The following CTNNA3 variants were observed in gnomAD, a reference collection of about 807,000 sequenced individuals.
CTNNA3 encodes catenin alpha-3.
CTNNA3 carries 76 observed loss-of-function variants against 95.7 expected under a neutral mutation model. That is an observed-to-expected ratio of 0.79 (90% CI 0.66 to 0.96). The LOEUF is 0.96. CTNNA3 is among the 40% of genes least tolerant of loss of function. The pLI, the probability that CTNNA3 is intolerant of heterozygous loss-of-function variation, is 0.00. For missense variants in CTNNA3, 1,191 were observed against 1,089.8 expected, an observed-to-expected ratio of 1.09 and a Z score of -1.31; for synonymous variants, 431 against 374.4, an observed-to-expected ratio of 1.15 and a Z score of -1.74.
At position 66,379,266 on chromosome 10, in the gene CTNNA3, T is replaced by C. The variant is rs2092818181; in HGVS notation, c.1618A>G (p.Ile540Val). The change falls in exon 12 of 18, where the codon ATC becomes GTC. Residue 540 changes from isoleucine (I) to valine (V), a missense_variant. Transcript: ENST00000433211. Reference protein sequence around the residue: ...ADNLDRAAGAIRGRAARVAHI... With the variant: ...ADNLDRAAGAVRGRAARVAHI... ...GCAACTCTTGCTGCCCGGCCTCTGA[T>C]AGCACCCGCAGCACGGTCTAAATTA... is the stretch of plus-strand genomic sequence containing the variant. 31 of 1,614,140 alleles carry C rather than the reference T, an allele frequency of 1.9e-5. No individual in the cohort carries two copies. The highest frequency in any genetic ancestry group is 2.5e-5 in the Non-Finnish European group (30 of 1,179,968).
intron 12 of CTNNA3, among the ~76,000 whole-genome samples, chr10:66,313,326 G>A (rs1387738895): frequency 1.3e-5 from 2 of 152,162 alleles, no homozygotes; most frequent in Non-Finnish European, 2.9e-5. Context: ...CAGTGTTTGG[G>A]GGAGGATTAA....
intron 15 of CTNNA3, among the ~76,000 whole-genome samples, chr10:66,003,329 G>GGTGTGTGTGT (rs376512211): frequency 0.015 from 2,247 of 149,902 alleles, 64 homozygotes; most frequent in African/African-American, 0.052. Flanking sequence ...TGGTGGTGGT[G>GGTGTGTGTGT]GTGTGTGTGT....
chr10:67,074,439 C>A (rs1589700359), intron 7 of CTNNA3, among the ~76,000 whole-genome samples: 1 of 150,708 alleles, frequency 6.6e-6, no homozygotes, highest in Non-Finnish European at 1.5e-5. Flanking sequence ...CAAGCTCCAC[C>A]TCCCGGGTTC....
At chr10:67,712,438 G>A (rs1465217690) in intron 1 of CTNNA3, among the ~76,000 whole-genome samples, 1 of 152,242 alleles carries the variant, frequency 6.6e-6, no homozygotes, top group Non-Finnish European at 1.5e-5. Context: ...CAGGCCCAGA[G>A]GCCTAGGGGG....
intron 6 of CTNNA3, among the ~76,000 whole-genome samples, chr10:67,216,835 T>C (rs1451354679): frequency 6.6e-6 from 1 of 152,222 alleles, no homozygotes; most frequent in Non-Finnish European, 1.5e-5. Flanking sequence ...GCAATTTTTA[T>C]TGGTGAAGTT....
chr10:66,339,509 A>T (rs1214406593), intron 12 of CTNNA3, among the ~76,000 whole-genome samples: 1 of 151,802 alleles, frequency 6.6e-6, no homozygotes, highest in Non-Finnish European at 1.5e-5. Flanking sequence ...GAAATAAACA[A>T]TTATAAGCTA....
intron 5 of CTNNA3, among the ~76,000 whole-genome samples, chr10:67,273,697 A>G (rs1839071962): frequency 1.3e-5 from 2 of 152,230 alleles, no homozygotes; most frequent in African/African-American, 4.8e-5. Flanking sequence ...AGAGAAATGT[A>G]TAAACAATTG....
At chr10:67,215,342 T>C (rs894657157) in intron 6 of CTNNA3, among the ~76,000 whole-genome samples, 1 of 152,164 alleles carries the variant, frequency 6.6e-6, no homozygotes, top group Non-Finnish European at 1.5e-5. Flanking sequence ...TCTACAGTGT[T>C]TGCAGACCTG....
chr10:67,369,787 G>A (rs1196083000), intron 5 of CTNNA3, among the ~76,000 whole-genome samples: 1 of 152,074 alleles, frequency 6.6e-6, no homozygotes, highest in Non-Finnish European at 1.5e-5. Context: ...TATCAGCTTA[G>A]AAAAATAACC....
chr10:67,099,781 T>G (rs1317314509), intron 7 of CTNNA3: 1 of 152,076 alleles, frequency 6.6e-6, no homozygotes, highest in African/African-American at 2.4e-5. Context: ...TCTTCAAAAA[T>G]TTTTGTCATT....
At chr10:65,923,320 G>A (rs1394495568) in intron 17 of CTNNA3, among the ~76,000 whole-genome samples, 2 of 152,190 alleles carry the variant, frequency 1.3e-5, no homozygotes, top group Non-Finnish European at 2.9e-5. Context: ...CCTAATGGTA[G>A]TAGTTTTATG....
At chr10:66,784,810 G>GA (rs1464263167) in intron 7 of CTNNA3, among the ~76,000 whole-genome samples, 1 of 152,108 alleles carries the variant, frequency 6.6e-6, no homozygotes, top group Non-Finnish European at 1.5e-5. Context: ...TTTATATAAA[G>GA]AATCTGGAAT....
chr10:67,370,898 G>A (rs914680163), intron 5 of CTNNA3, among the ~76,000 whole-genome samples: 39 of 143,290 alleles, frequency 2.7e-4, no homozygotes, highest in African/African-American at 8.9e-4. Flanking sequence ...ACAGAGTCTC[G>A]CTCTGTCGCC....
chr10:67,171,179 C>A (rs1039445868), intron 7 of CTNNA3, among the ~76,000 whole-genome samples: 1 of 152,150 alleles, frequency 6.6e-6, no homozygotes, highest in African/African-American at 2.4e-5. Flanking sequence ...TATAGTACCA[C>A]AAAAGGTCAT....
At chr10:66,833,243 A>G (rs1842783003) in intron 7 of CTNNA3, among the ~76,000 whole-genome samples, 1 of 152,150 alleles carries the variant, frequency 6.6e-6, no homozygotes, top group Non-Finnish European at 1.5e-5. Flanking sequence ...GAATAGGGAG[A>G]GCAGAGCTGC....
chr10:67,373,169 C>T (rs1194359296), intron 5 of CTNNA3, among the ~76,000 whole-genome samples: 2 of 152,126 alleles, frequency 1.3e-5, no homozygotes, highest in Non-Finnish European at 2.9e-5. Flanking sequence ...AATTAAAAGA[C>T]ACAGACTGGC....
intron 7 of CTNNA3, among the ~76,000 whole-genome samples, chr10:67,095,172 G>C (rs1459056219): frequency 6.6e-6 from 1 of 151,486 alleles, no homozygotes; most frequent in Non-Finnish European, 1.5e-5. Flanking sequence ...GCTGTATTCA[G>C]ATATGGCTAG....
At chr10:66,021,852 C>CTTTTT (rs34671813) in intron 15 of CTNNA3, among the ~76,000 whole-genome samples, 984 of 75,916 alleles carry the variant, frequency 0.013, 175 homozygotes, top group African/African-American at 0.045. Context: ...AGGATCTTGG[C>CTTTTT]TTTTTTTTTT....
intron 5 of CTNNA3, among the ~76,000 whole-genome samples, chr10:67,240,965 T>C (rs572820314): frequency 2.0e-5 from 3 of 152,166 alleles, no homozygotes; most frequent in Non-Finnish European, 2.9e-5. Context: ...TCAAAATAAA[T>C]GGTATCTGAA....
Sources: gnomAD v4.1 joint callset for allele counts (sites outside exome capture counted in the v4.1 genomes callset) on GRCh38, gnomAD v4.1.1 for gene constraint, MANE v1.5 for transcripts, NCBI Gene and HGNC (gene_info 2026-07-23, HGNC 2026-07-21) for gene names.